The following SNAP23 variants were observed in gnomAD, a reference collection of about 807,000 sequenced individuals.
SNAP23 encodes the protein synaptosome associated protein 23.
Under a neutral mutation model 29.0 loss-of-function variants are expected in SNAP23, and 11 were observed. That is an observed-to-expected ratio of 0.38 (90% CI 0.24 to 0.63). SNAP23 has a LOEUF of 0.63. SNAP23 is among the 20% of genes least tolerant of loss of function. The pLI is 0.58. For synonymous variants in SNAP23, 60 were observed against 82.9 expected (o/e 0.72, Z 1.50); for missense variants, 220 against 253.9 (o/e 0.87, Z 0.91).
rs1566822972 is a variant in SNAP23 at position 42,532,908 on chromosome 15, T to TGATTTCAG, written c.*1433_*1434insTTCAGGAT. 1 of 152,670 alleles carries TGATTTCAG rather than the reference T, an allele frequency of 6.6e-6. No individual in the cohort carries two copies. The highest frequency in any genetic ancestry group is 1.5e-5 in the Non-Finnish European group (1 of 68,042). 9.5% of individuals were successfully genotyped at this position (152,670 alleles called of 1,614,324 possible). Reference sequence around the variant, plus strand: ...TATTGAACTATGTCCATAATCAAGTTGATGTGGATCCTGAAAAGTGTTATG... The same window carrying TGATTTCAG: ...TATTGAACTATGTCCATAATCAAGTTGATTTCAGGATGTGGATCCTGAAAAGTGTTATG... On this transcript the variant is annotated 3_prime_UTR_variant, in exon 8 of 8. Coordinates refer to ENST00000249647, the MANE Select transcript of SNAP23 (RefSeq NM_003825.4).
chr15:42,525,323 G>C (rs1182463451), intron 5 of SNAP23, among the ~76,000 whole-genome samples: 15 of 146,970 alleles, frequency 1.0e-4, no homozygotes, highest in Non-Finnish European at 1.6e-4. Context: ...AGCTGAGATC[G>C]TGCCACTGCA....
At chr15:42,520,831 T>C (rs1219997580) in intron 5 of SNAP23, among the ~76,000 whole-genome samples, 1 of 152,224 alleles carries the variant, frequency 6.6e-6, no homozygotes, top group Non-Finnish European at 1.5e-5. Context: ...CTGTCTTAAC[T>C]TGCCTGTTTT....
chr15:42,492,459 C>A (rs1354400577), upstream of SNAP23, among the ~76,000 whole-genome samples: 2 of 152,032 alleles, frequency 1.3e-5, no homozygotes, highest in East Asian at 3.9e-4. Flanking sequence ...GTGGGCAGAT[C>A]ATGAGGTCCA....
intron 1 of SNAP23, among the ~76,000 whole-genome samples, chr15:42,509,443 T>C (rs2057342058): frequency 6.7e-6 from 1 of 149,762 alleles, no homozygotes; most frequent in Non-Finnish European, 1.5e-5. Context: ...TCAAAATCTT[T>C]TTTTTTTTTT....
At chr15:42,516,632 A>T (rs2057399428) in intron 5 of SNAP23, among the ~76,000 whole-genome samples, 1 of 152,120 alleles carries the variant, frequency 6.6e-6, no homozygotes, top group Non-Finnish European at 1.5e-5. Flanking sequence ...CCCGGCCTCA[A>T]TGTATTCATT....
At chr15:42,520,045 CTTT>C (rs201577060) in intron 5 of SNAP23, among the ~76,000 whole-genome samples, 2 of 92,978 alleles carry the variant, frequency 2.2e-5, no homozygotes. Context: ...AACCCCCTTG[CTTT>C]TTTTTTTTTT....
intron 1 of SNAP23, among the ~76,000 whole-genome samples, chr15:42,497,972 T>G (rs2057236962): frequency 6.6e-6 from 1 of 152,220 alleles, no homozygotes; most frequent in African/African-American, 2.4e-5. Context: ...TTTAATCTCC[T>G]TAGACTCCAT....
chr15:42,527,807 C>G (rs530043978), intron 5 of SNAP23: 1 of 156,374 alleles, frequency 6.4e-6, no homozygotes, highest in South Asian at 1.9e-4. Context: ...ATTCTGTCAT[C>G]CCTTGTCAAC....
intron 5 of SNAP23, among the ~76,000 whole-genome samples, chr15:42,520,627 T>G (rs2057440006): frequency 6.6e-6 from 1 of 152,130 alleles, no homozygotes; most frequent in South Asian, 2.1e-4. Flanking sequence ...CTCGGGTAGC[T>G]GGGACTACAG....
upstream of SNAP23, chr15:42,491,425 A>C (rs1274159304): frequency 6.6e-6 from 1 of 152,220 alleles, no homozygotes; most frequent in Non-Finnish European, 1.5e-5. Context: ...CATTTCCTTT[A>C]GTCAGTGGCA....
At chr15:42,492,555 GT>G (rs2057177805), upstream of SNAP23, among the ~76,000 whole-genome samples, 1 of 151,694 alleles carries the variant, frequency 6.6e-6, no homozygotes, top group African/African-American at 2.4e-5. Context: ...GTGCGTGCCT[GT>G]AGTCCCAGCT....
intron 5 of SNAP23, among the ~76,000 whole-genome samples, chr15:42,520,701 A>T (rs922570789): frequency 6.6e-6 from 1 of 151,488 alleles, no homozygotes; most frequent in African/African-American, 2.4e-5. Context: ...TCACCGTGTT[A>T]GCCAGGATGG....
chr15:42,499,218 G>A lies in SNAP23; in HGVS notation c.-15+3505G>A, dbSNP rs148687148. Among the ~76,000 whole-genome samples the A allele has an allele frequency of 9.7e-3, 1,481 of 152,162 alleles. 22 individuals carry two copies. Among genetic ancestry groups the A allele is most frequent in the African/African-American group, 0.034 (1,411 of 41,514 alleles). The stretch of plus-strand genomic sequence containing the variant: ...CGAGTAGCTGGGATTACAGGCAGGC[G>A]CCACCATACCTGGCTAATTTTATAT... On this transcript the variant is annotated intron_variant, in intron 1 of 7. Coordinates refer to ENST00000249647, the MANE Select transcript of SNAP23 (RefSeq NM_003825.4).
chr15:42,516,450 C>T (rs2057397794), intron 5 of SNAP23, among the ~76,000 whole-genome samples: 1 of 152,160 alleles, frequency 6.6e-6, no homozygotes, highest in South Asian at 2.1e-4. Context: ...CCTGCCTCAG[C>T]CTCCCGAGTA....
chr15:42,498,069 C>G (rs2057238506), intron 1 of SNAP23, among the ~76,000 whole-genome samples: 1 of 152,144 alleles, frequency 6.6e-6, no homozygotes, highest in South Asian at 2.1e-4. Flanking sequence ...GGGTTCAGGC[C>G]CAGAGGCTGC....
intron 5 of SNAP23, among the ~76,000 whole-genome samples, chr15:42,524,626 A>G (rs2057480536): frequency 6.6e-6 from 1 of 152,182 alleles, no homozygotes; most frequent in Non-Finnish European, 1.5e-5. Flanking sequence ...CCTGGTCCCC[A>G]TTCGTGGAAA....
chr15:42,524,310 T>A (rs1403206676), intron 5 of SNAP23, among the ~76,000 whole-genome samples: 1 of 152,120 alleles, frequency 6.6e-6, no homozygotes, highest in Non-Finnish European at 1.5e-5. Context: ...ACTCCATGTG[T>A]ATTGGAGTAG....
In SNAP23 at chr15:42,525,184, C is replaced by T. The variant is rs1014747422; in HGVS notation, c.267-3078C>T. 5.0e-4 allele frequency among the ~76,000 whole-genome samples: 76 copies of T among 151,948 alleles called. 1 individual carries two copies. Among genetic ancestry groups the T allele is most frequent in the Non-Finnish European group, 1.1e-3 (72 of 67,948 alleles). On this transcript the variant is annotated intron_variant, in intron 5 of 7. Transcript: ENST00000249647. ...AGATCGAGACCATCCCTGGCTAACA[C>T]GGTGAAACCCTGTCTCTACTAAAAA...
intron 1 of SNAP23, among the ~76,000 whole-genome samples, chr15:42,497,142 A>T (rs949436485): frequency 6.8e-6 from 1 of 147,222 alleles, no homozygotes; most frequent in Non-Finnish European, 1.5e-5. Context: ...ACTTCAAGCG[A>T]TTCTCCTCCC....
Sources: allele counts gnomAD v4.1 joint callset (sites outside exome capture counted in the v4.1 genomes callset), GRCh38; gene constraint gnomAD v4.1.1; transcripts MANE v1.5; gene names NCBI Gene and HGNC (gene_info 2026-07-23, HGNC 2026-07-21).